Variants in SNX29 observed in about 807,000 individuals in gnomAD.
The protein encoded by SNX29 is sorting nexin-29.
In SNX29, 78 loss-of-function variants were observed where a neutral mutation model predicts 102.1. The ratio of observed to expected loss-of-function variants is 0.76; its 90% CI spans 0.64 to 0.92. The LOEUF (loss-of-function observed/expected upper bound fraction) is 0.92, where lower values mean the gene tolerates loss of function less well. SNX29 is among the 40% of genes least tolerant of loss of function. The pLI, the probability that SNX29 is intolerant of heterozygous loss-of-function variation, is 0.00. For synonymous variants in SNX29, 580 were observed against 414.5 expected, an observed-to-expected ratio of 1.40 and a Z score of -4.85; for missense variants, 1,280 against 1,061.7, an observed-to-expected ratio of 1.21 and a Z score of -2.86.
At chr16:12,020,727 G>A (rs1364057664) in intron 3 of SNX29, among the ~76,000 whole-genome samples, 1 of 151,454 alleles carries the variant, frequency 6.6e-6, no homozygotes, top group Admixed American at 6.6e-5. Context: ...GGGTTCAAGC[G>A]ATTCTCCTGT....
At chr16:12,155,597 C>T (rs952865398) in intron 13 of SNX29, among the ~76,000 whole-genome samples, 14 of 152,094 alleles carry the variant, frequency 9.2e-5, no homozygotes, top group African/African-American at 2.7e-4. Context: ...AATGAGAGGC[C>T]GCTTTTCTAT....
intron 20 of SNX29, among the ~76,000 whole-genome samples, chr16:12,554,237 C>G (rs943386134): frequency 6.6e-6 from 1 of 152,220 alleles, no homozygotes; most frequent in Non-Finnish European, 1.5e-5. Flanking sequence ...GAACATCTCC[C>G]TCGGCTGCAT....
At chr16:12,476,580 A>G (rs1005039695) in intron 18 of SNX29, among the ~76,000 whole-genome samples, 2 of 150,604 alleles carry the variant, frequency 1.3e-5, no homozygotes, top group Admixed American at 6.7e-5. Flanking sequence ...TGACGTCAGC[A>G]ATAATGGAAT....
chr16:12,536,637 C>T (rs1032726682), intron 20 of SNX29, among the ~76,000 whole-genome samples: 1 of 152,132 alleles, frequency 6.6e-6, no homozygotes, highest in African/African-American at 2.4e-5. Context: ...GGGGTGTATA[C>T]AGCTAATTTC....
intron 14 of SNX29, among the ~76,000 whole-genome samples, chr16:12,228,178 G>T (rs981733718): frequency 1.3e-5 from 2 of 152,238 alleles, no homozygotes; most frequent in Non-Finnish European, 2.9e-5. Context: ...CCCCAGCCGA[G>T]CTGTAGACAC....
At chr16:12,485,592 C>G (rs1014609347) in intron 19 of SNX29, among the ~76,000 whole-genome samples, 8 of 152,166 alleles carry the variant, frequency 5.3e-5, no homozygotes, top group Non-Finnish European at 1.2e-4. Context: ...GGAAACACAG[C>G]CCTCGAGACG....
At chr16:12,442,339 G>C (rs566600605) in intron 18 of SNX29, among the ~76,000 whole-genome samples, 1 of 152,190 alleles carries the variant, frequency 6.6e-6, no homozygotes, top group South Asian at 2.1e-4. Flanking sequence ...AGGACGTCTT[G>C]GAATCAGGAA....
intron 18 of SNX29, among the ~76,000 whole-genome samples, chr16:12,472,241 C>T (rs1045286104): frequency 1.3e-5 from 2 of 152,000 alleles, no homozygotes; most frequent in African/African-American, 4.8e-5. Flanking sequence ...CAGGGGAAGG[C>T]TGGGGGTGGT....
chr16:12,196,852 C>T (rs900116439), intron 13 of SNX29, among the ~76,000 whole-genome samples: 1 of 152,160 alleles, frequency 6.6e-6, no homozygotes, highest in African/African-American at 2.4e-5. Context: ...AACTCTTGGC[C>T]TCACGTGATC....
intron 9 of SNX29, among the ~76,000 whole-genome samples, chr16:12,063,652 T>G (rs977495033): frequency 2.0e-5 from 3 of 152,074 alleles, no homozygotes; most frequent in Non-Finnish European, 4.4e-5. Context: ...TTGCTGGGAT[T>G]ATAGGCATGA....
chr16:12,553,097 GC>G (rs2078090941), intron 20 of SNX29, among the ~76,000 whole-genome samples: 1 of 147,592 alleles, frequency 6.8e-6, no homozygotes, highest in African/African-American at 2.7e-5. Flanking sequence ...TTCAGGCTTG[GC>G]CTGGGGCTTT....
chr16:12,435,271 A>G (rs927390351), intron 18 of SNX29, among the ~76,000 whole-genome samples: 3 of 152,238 alleles, frequency 2.0e-5, no homozygotes, highest in Admixed American at 2.0e-4. Flanking sequence ...CTTAGCCAGT[A>G]TTGAGAATAA....
chr16:12,441,089 CTTTTT>C (rs34125065), intron 18 of SNX29, among the ~76,000 whole-genome samples: 8 of 102,698 alleles, frequency 7.8e-5, no homozygotes, highest in African/African-American at 8.6e-5. Flanking sequence ...TACTTCATTC[CTTTTT>C]TTTTTTTTTT....
intron 3 of SNX29, among the ~76,000 whole-genome samples, chr16:12,019,746 C>T (rs1297417508): frequency 2.6e-5 from 4 of 151,488 alleles, no homozygotes; most frequent in African/African-American, 9.7e-5. Context: ...AAGCGATTCT[C>T]TTGGCTCAGC....
chr16:12,565,716 C>G (rs1177369943), intron 20 of SNX29, among the ~76,000 whole-genome samples: 1 of 152,220 alleles, frequency 6.6e-6, no homozygotes, highest in Admixed American at 6.5e-5. Flanking sequence ...TGGGCCGGGT[C>G]TGCCCGGCTA....
At chr16:12,015,285 G>C (rs928901064) in intron 3 of SNX29, among the ~76,000 whole-genome samples, 4 of 151,736 alleles carry the variant, frequency 2.6e-5, no homozygotes, top group African/African-American at 9.7e-5. Flanking sequence ...GTCTCACTCT[G>C]TCGCCAGATT....
intron 18 of SNX29, among the ~76,000 whole-genome samples, chr16:12,436,368 A>T (rs908993635): frequency 1.3e-5 from 2 of 152,218 alleles, no homozygotes; most frequent in Non-Finnish European, 2.9e-5. Context: ...ACCAGGAGAC[A>T]GCGACAGCTT....
At chr16:12,077,705 C>T (rs532177591) in intron 10 of SNX29, among the ~76,000 whole-genome samples, 1 of 152,196 alleles carries the variant, frequency 6.6e-6, no homozygotes, top group Non-Finnish European at 1.5e-5. Flanking sequence ...ACTGCAACCT[C>T]TGTTTCCTGG....
intron 20 of SNX29, among the ~76,000 whole-genome samples, chr16:12,555,187 T>G (rs1444829232): frequency 2.6e-5 from 4 of 151,594 alleles, no homozygotes; most frequent in Non-Finnish European, 5.9e-5. Context: ...TACTCAGGTG[T>G]GGCATGCAGA....
Sources: gnomAD v4.1 joint callset for allele counts (sites outside exome capture counted in the v4.1 genomes callset) on GRCh38, gnomAD v4.1.1 for gene constraint, MANE v1.5 for transcripts, NCBI Gene and HGNC (gene_info 2026-07-23, HGNC 2026-07-21) for gene names.